Variants in PARP14 observed in about 807,000 individuals in gnomAD.
PARP14 encodes protein mono-ADP-ribosyltransferase PARP14.
A neutral mutation model predicts 154.2 loss-of-function variants in PARP14; 59 were observed. The ratio of observed to expected loss-of-function variants is 0.38; its 90% CI spans 0.31 to 0.48. The LOEUF (loss-of-function observed/expected upper bound fraction) is 0.48. Ranked by LOEUF, PARP14 falls within the 20% of genes least tolerant of loss-of-function variation. The pLI, the probability that PARP14 is intolerant of heterozygous loss-of-function variation, is 0.98. For missense variants in PARP14, 1,734 were observed against 2,131.6 expected, an observed-to-expected ratio of 0.81 and a Z score of 3.67; for synonymous variants, 720 against 780.5, an observed-to-expected ratio of 0.92 and a Z score of 1.29.
rs754928878 is a variant in PARP14 at position 122,720,288 on chromosome 3, A to G, written c.4841A>G (p.Gln1614Arg). Residue 1614 changes from glutamine to arginine, a missense_variant, in exon 15 of 17, where the codon CAG (glutamine) becomes CGG (arginine). By Grantham distance (43) the Gln-to-Arg change is conservative (BLOSUM62 1). Transcript: ENST00000474629. ...DIPAHWSDMK[Q>R]QNFCVVELLP... ...CCTGCACACTGGAGTGATATGAAGC[A>G]GCAGAATTTCTGTGTGGTGGAGCTG... is the stretch of plus-strand genomic sequence containing the variant. 1 of 1,613,468 alleles carries G rather than the reference A, an allele frequency of 6.2e-7. No homozygotes were observed. Among genetic ancestry groups the G allele is most frequent in the Non-Finnish European group, 8.5e-7 (1 of 1,179,678 alleles).
chr3:122,715,599 T>C (rs1053515690), intron 12 of PARP14, among the ~76,000 whole-genome samples: 1 of 29,576 alleles, frequency 3.4e-5, no homozygotes, highest in Non-Finnish European at 7.2e-5. Context: ...ACCAGTCATC[T>C]ATCTATCTAT....
At chr3:122,694,944 G>C (rs1490573301) in intron 4 of PARP14, among the ~76,000 whole-genome samples, 1 of 152,032 alleles carries the variant, frequency 6.6e-6, no homozygotes, top group Non-Finnish European at 1.5e-5. Flanking sequence ...CAAGGAGAAG[G>C]GGTTTTACAA....
In PARP14 at chr3:122,700,999, T is replaced by G; in HGVS notation, c.2445T>G (p.Pro815=). The change falls in exon 6 of 17, where the codon CCT becomes CCG. Residue 815 remains proline (P), a synonymous_variant. Transcript: ENST00000474629. The part of the protein sequence containing the change: ...IVQQGDLARL[P]VDVVVNASNE... ...AGCAGGGTGACTTGGCACGGCTTCC[T>G]GTCGATGTGGTGGTGAATGCATCTA... 5 of 1,614,004 alleles carry G rather than the reference T, an allele frequency of 3.1e-6. No individual in the cohort carries two copies. Among genetic ancestry groups the G allele is most frequent in the Non-Finnish European group, 4.2e-6 (5 of 1,179,866 alleles).
intron 12 of PARP14, among the ~76,000 whole-genome samples, chr3:122,716,481 G>T (rs969522784): frequency 6.6e-6 from 1 of 152,220 alleles, no homozygotes; most frequent in African/African-American, 2.4e-5. Context: ...TTCACAAGGA[G>T]CACTGAGCCC....
chr3:122,725,014 G>A (rs916219332), intron 15 of PARP14, among the ~76,000 whole-genome samples: 1 of 152,230 alleles, frequency 6.6e-6, no homozygotes, highest in African/African-American at 2.4e-5. Flanking sequence ...ATTTTTCTTA[G>A]TACAGAACAA....
chr3:122,700,826 G>T lies in PARP14; in HGVS notation c.2272G>T (p.Ala758Ser), dbSNP rs755707621. 1 of 1,613,862 alleles carries T rather than the reference G, an allele frequency of 6.2e-7. No homozygotes were observed. Residue 758 changes from alanine (A) to serine (S), a missense_variant, in exon 6 of 17, where the codon GCA (alanine) becomes TCA (serine). Coordinates refer to ENST00000474629, the MANE Select transcript of PARP14 (RefSeq NM_017554.3). ...AGCCAAGCAGTTCTTCCAGGATAAA[G>T]CACGGTTTTATCAAAGTGAGATCAA... ...PGAKQFFQDK[A>S]RFYQSEIKRL...
At chr3:122,692,637 T>C in intron 4 of PARP14, 94 bp downstream of exon 4, 1 of 1,064,144 alleles carries the variant, frequency 9.4e-7, no homozygotes, top group Non-Finnish European at 1.3e-6. Context: ...AAAGTTTGAC[T>C]CTTTCTAGTA....
rs1440517208 is a variant in PARP14 at position 122,700,064 on chromosome 3, G to A, written c.1510G>A (p.Val504Ile). 2 of 1,613,806 alleles carry A rather than the reference G, an allele frequency of 1.2e-6. No homozygotes were observed. Among genetic ancestry groups the A allele is most frequent in the African/African-American group, 2.7e-5 (2 of 74,928 alleles). The change falls in exon 6 of 17, where the codon GTC (valine) becomes ATC (isoleucine). Residue 504 changes from valine to isoleucine, a missense_variant. Coordinates refer to ENST00000474629, the MANE Select transcript of PARP14 (RefSeq NM_017554.3). ...CPEIEICYDR[V>I]TQHLCLKGPS... ...AGAGATAGAGATTTGTTACGATAGAGTCACTCAACACTTGTGCTTGAAAGG... is the reference window on the plus strand; with the variant it reads ...AGAGATAGAGATTTGTTACGATAGAATCACTCAACACTTGTGCTTGAAAGG...
Position 122,685,312 on chromosome 3 carries a change from A to G in PARP14, c.315A>G (p.Leu105=), listed in dbSNP as rs1347997418. ...ATCATGTCTTTGAAGAGGAACTTCT[A>G]ACAAAAGCAAGTAAACTTTAGGCAT... ...EIDHVFEEEL[L]TKESKTKEDV... is the part of the protein sequence containing the mutation. The change falls in exon 2 of 17, where the codon CTA becomes CTG. Residue 105 remains leucine (L), a synonymous_variant. Coordinates refer to ENST00000474629, the MANE Select transcript of PARP14 (RefSeq NM_017554.3). 6.2e-7 allele frequency: 1 copy of G among 1,613,670 alleles called. No homozygotes were observed. The highest frequency in any genetic ancestry group is 1.7e-5 in the Admixed American group (1 of 60,006).
chr3:122,702,993 TAA>T (rs10707029), intron 6 of PARP14, among the ~76,000 whole-genome samples: 145 of 83,940 alleles, frequency 1.7e-3, no homozygotes, highest in Non-Finnish European at 2.5e-3. Flanking sequence ...CCCTCTCTCT[TAA>T]AAAAAAAAAA....
intron 2 of PARP14, 120 bp from the exon 3 acceptor site, chr3:122,686,960 T>C (rs988701148): frequency 1.4e-6 from 1 of 692,702 alleles, no homozygotes; most frequent in South Asian, 1.8e-5. Context: ...AGCACCCTTA[T>C]CAGACCTTTT....
At chr3:122,724,840 G>A (rs1933249342) in intron 15 of PARP14, among the ~76,000 whole-genome samples, 1 of 152,042 alleles carries the variant, frequency 6.6e-6, no homozygotes, top group Non-Finnish European at 1.5e-5. Flanking sequence ...AGATTAGGGA[G>A]TGGTGATGAC....
chr3:122,681,173 G>T lies in PARP14; in HGVS notation c.187+103G>T. On this transcript the variant is annotated intron_variant, in intron 1 of 16. Transcript: ENST00000474629. This position sits in a 1 kb window ranked among gnomAD's most constrained non-coding sequence, Gnocchi z 5.5. ...GGAGGGTGACCCGCCCGACTTCGGC[G>T]GCTGCTGTAGCGGAGGTGGCCGGGG... 2 of 710,320 alleles carry T rather than the reference G, an allele frequency of 2.8e-6. No individual in the cohort carries two copies. Among genetic ancestry groups the T allele is most frequent in the Non-Finnish European group, 2.3e-6 (1 of 443,916 alleles). 44.0% of individuals were successfully genotyped at this position (710,320 alleles called of 1,614,324 possible). A position where few individuals can be genotyped will look rare whatever the true frequency, so the allele number is the denominator to read the frequency against.
rs1226092831 is a variant in PARP14 at position 122,729,857 on chromosome 3, T to C, written c.*1260T>C. ...AACTCTAAGATTATTAAATAGTATATTTTCCTTGACAGCCTAGCGTTTGAT... is the reference window on the plus strand; with the variant it reads ...AACTCTAAGATTATTAAATAGTATACTTTCCTTGACAGCCTAGCGTTTGAT... On this transcript the variant is annotated 3_prime_UTR_variant, in exon 17 of 17. Coordinates refer to ENST00000474629, the MANE Select transcript of PARP14 (RefSeq NM_017554.3). The C allele has an allele frequency of 6.6e-6, 1 of 152,232 alleles. No homozygotes were observed. Among genetic ancestry groups the C allele is most frequent in the East Asian group, 1.9e-4 (1 of 5,206 alleles). 9.4% of individuals were successfully genotyped at this position (152,232 alleles called of 1,614,324 possible).
chr3:122,714,393 A>T lies in PARP14; in HGVS notation c.3964A>T (p.Asn1322Tyr), dbSNP rs768047782. ...SSVLQECEKKNYSSICLPAIG... is the reference protein window; with the variant it reads ...SSVLQECEKKYYSSICLPAIG... ...TGTTTTGCAGGAGTGTGAAAAAAAA[A>T]ATTACTCATCCATTTGCCTCCCAGC... Residue 1322 changes from asparagine to tyrosine, a missense_variant, in exon 12 of 17, where the codon AAT (asparagine) becomes TAT (tyrosine). Asn to Tyr is a moderately radical substitution (Grantham distance 143). Around this residue, in one of 2 missense-constraint regions of PARP14, gnomAD observed 1,646 missense variants for 1,976.0 expected, o/e 0.83. Transcript: ENST00000474629. The T allele has an allele frequency of 1.9e-6, 3 of 1,583,236 alleles. No individual in the cohort carries two copies. Among genetic ancestry groups the T allele is most frequent in the Non-Finnish European group, 2.6e-6 (3 of 1,170,526 alleles).
At chr3:122,719,666 A>G (rs542480678) in intron 14 of PARP14, among the ~76,000 whole-genome samples, 1 of 152,326 alleles carries the variant, frequency 6.6e-6, no homozygotes, top group South Asian at 2.1e-4. Context: ...ACTCTGAGCA[A>G]CCCTGGGGAA....
intron 5 of PARP14, among the ~76,000 whole-genome samples, chr3:122,696,351 T>C (rs1389205233): frequency 2.6e-5 from 4 of 152,138 alleles, no homozygotes; most frequent in Non-Finnish European, 5.9e-5. Flanking sequence ...TTAATCAGGG[T>C]GGGGCATGAC....
intron 6 of PARP14, among the ~76,000 whole-genome samples, chr3:122,702,557 C>T (rs79349885): frequency 0.051 from 7,703 of 152,224 alleles, 265 homozygotes; most frequent in Middle Eastern, 0.11. Context: ...TTCTCATTCA[C>T]TGCCATGCGG....
In PARP14 at chr3:122,699,705, A is replaced by G; in HGVS notation, c.1151A>G (p.Gln384Arg). The change falls in exon 6 of 17, where the codon CAG becomes CGG. Residue 384 changes from glutamine to arginine, a missense_variant. This residue lies in a region of PARP14 where 1,646 missense variants were observed against 1,976.0 expected (regional missense o/e 0.83). Transcript: ENST00000474629. ...NEGRPRIKTW[Q>R]ADTSTTLSSI... ...GGAAGACCGAGAATCAAGACCTGGCAGGCAGATACTTCCACAACACTCTCT... is the reference window on the plus strand; with the variant it reads ...GGAAGACCGAGAATCAAGACCTGGCGGGCAGATACTTCCACAACACTCTCT... 1 of 1,614,038 alleles carries G rather than the reference A, an allele frequency of 6.2e-7. No individual in the cohort carries two copies. Among genetic ancestry groups the G allele is most frequent in the Non-Finnish European group, 8.5e-7 (1 of 1,179,870 alleles).
Sources: gnomAD v4.1 joint callset for allele counts (sites outside exome capture counted in the v4.1 genomes callset) on GRCh38, gnomAD v4.1.1 for gene constraint, gnomAD v4.1.1 regional missense constraint, Gnocchi (gnomAD v3.1) non-coding constraint, MANE v1.5 for transcripts, NCBI Gene and HGNC (gene_info 2026-07-23, HGNC 2026-07-21) for gene names.